HTR5A: variants seen among roughly 807,000 people sequenced by gnomAD.
The protein encoded by HTR5A is 5-HT-5.
In HTR5A, 21 loss-of-function variants were observed where a neutral mutation model predicts 24.3. The observed-to-expected ratio is 0.86, with a 90% CI of 0.61 to 1.24. HTR5A has a LOEUF of 1.24. Among genes scored for constraint, HTR5A ranks in the 50% most tolerant of loss-of-function variants. HTR5A has a pLI of 0.00. For missense variants in HTR5A, 497 were observed against 489.5 expected, an observed-to-expected ratio of 1.02 and a Z score of -0.15; for synonymous variants, 260 against 213.7, an observed-to-expected ratio of 1.22 and a Z score of -1.89.
chr7:155,076,797 T>C (rs1795363693), intron 1 of HTR5A, among the ~76,000 whole-genome samples: 1 of 152,230 alleles, frequency 6.6e-6, no homozygotes, highest in Non-Finnish European at 1.5e-5. Flanking sequence ...GTATATAAGA[T>C]TTAAAGGCCT....
intron 1 of HTR5A, among the ~76,000 whole-genome samples, chr7:155,076,712 C>G (rs1250994743): frequency 2.6e-5 from 4 of 152,112 alleles, no homozygotes; most frequent in South Asian, 4.2e-4. Context: ...GAGAAAGTAA[C>G]CATGAACCAT....
rs1041984174 is a variant in HTR5A, at chr7:155,085,934, A to C, written c.*1447A>C. ...AGAAATGTTAGACACCTGTGAAGTCACAATTAATATGCTAAATGCAGATCT... is the reference window on the plus strand; with the variant it reads ...AGAAATGTTAGACACCTGTGAAGTCCCAATTAATATGCTAAATGCAGATCT... On this transcript the variant is annotated 3_prime_UTR_variant, in exon 2 of 2. Coordinates refer to ENST00000287907, the MANE Select transcript of HTR5A (RefSeq NM_024012.4). Among the ~76,000 whole-genome samples, 1 of 152,222 alleles carries C rather than the reference A, an allele frequency of 6.6e-6. No homozygotes were observed. Among genetic ancestry groups the C allele is most frequent in the Non-Finnish European group, 1.5e-5 (1 of 68,038 alleles).
chr7:155,084,002 G>A (rs189461617), intron 1 of HTR5A, among the ~76,000 whole-genome samples, 153 bp from the exon 2 acceptor site: 33 of 152,260 alleles, frequency 2.2e-4, no homozygotes, highest in Admixed American at 3.9e-4. Flanking sequence ...CCATATCTGA[G>A]AGCGAGTGCC....
chr7:155,073,484 T>C (rs914498152), intron 1 of HTR5A, among the ~76,000 whole-genome samples: 3 of 152,036 alleles, frequency 2.0e-5, no homozygotes, highest in Non-Finnish European at 4.4e-5. Context: ...TCTGATCTAT[T>C]AGATTTCTAA....
intron 1 of HTR5A, among the ~76,000 whole-genome samples, chr7:155,074,187 A>G (rs1461917508): frequency 2.0e-5 from 3 of 151,950 alleles, no homozygotes; most frequent in Admixed American, 6.6e-5. Flanking sequence ...TTGTTTCTTT[A>G]TCTGCTGAGT....
In HTR5A at chr7:155,078,751, C is replaced by CTTT. The variant is rs67688182; in HGVS notation, c.742-5395_742-5393dup. Among the ~76,000 whole-genome samples, 1,041 of 139,216 alleles carry CTTT rather than the reference C, an allele frequency of 7.5e-3. 20 individuals carry two copies. Among genetic ancestry groups the CTTT allele is most frequent in the Middle Eastern group, 0.015 (4 of 262 alleles). 91.3% of individuals were successfully genotyped at this position (139,216 alleles called of 152,430 possible). On this transcript the variant is annotated intron_variant, in intron 1 of 1. Transcript: ENST00000287907. Reference sequence around the variant, plus strand: ...TATAACTCTTCTATTTTCTGTGCTTCTTTTTTTTTTTACCATTTTTTCTTA... The same window carrying CTTT: ...TATAACTCTTCTATTTTCTGTGCTTCTTTTTTTTTTTTTTACCATTTTTTCTTA...
intron 1 of HTR5A, among the ~76,000 whole-genome samples, chr7:155,083,020 G>A (rs955576758): frequency 8.3e-4 from 126 of 152,168 alleles, no homozygotes; most frequent in African/African-American, 2.9e-3. Context: ...CTACAAATTT[G>A]GTAATTTATT....
chr7:155,082,245 C>T (rs911477988), intron 1 of HTR5A, among the ~76,000 whole-genome samples: 2 of 151,694 alleles, frequency 1.3e-5, no homozygotes, highest in Admixed American at 1.3e-4. Flanking sequence ...CATGGGGTCA[C>T]CAATGTGACC....
At chr7:155,083,982 T>A (rs955751113) in intron 1 of HTR5A, among the ~76,000 whole-genome samples, 173 bp from the exon 2 acceptor site, 5 of 152,190 alleles carry the variant, frequency 3.3e-5, no homozygotes, top group Non-Finnish European at 7.3e-5. Flanking sequence ...TCAGCTCTGT[T>A]GCCTGGTTTC....
chr7:155,073,897 A>ATATACG lies in HTR5A; in HGVS notation c.741+2261_741+2262insCGTATA, dbSNP rs1554519636. Among the ~76,000 whole-genome samples, 9 of 19,804 alleles carry ATATACG rather than the reference A, an allele frequency of 4.5e-4. 1 individual carries two copies. Among genetic ancestry groups the ATATACG allele is most frequent in the Admixed American group, 1.9e-3 (2 of 1,040 alleles). The allele number at this position is 19,804 out of a possible 152,430, so 13.0% of individuals were successfully genotyped here. On this transcript the variant is annotated intron_variant, in intron 1 of 1. Coordinates refer to ENST00000287907, the MANE Select transcript of HTR5A (RefSeq NM_024012.4). ...TATATGTATATATATATGTATATAT[A>ATATACG]TATATATATATATATATATGTATAT...
rs1795277143 is a variant in HTR5A, at chr7:155,070,584, G to A, written c.-316G>A. ...ATCTGGGAGATGCTCGGCTCTGGGCGGCCAAACAGCCTTTCCACCAAGGCG... is the reference window on the plus strand; with the variant it reads ...ATCTGGGAGATGCTCGGCTCTGGGCAGCCAAACAGCCTTTCCACCAAGGCG... On this transcript the variant is annotated 5_prime_UTR_variant, in exon 1 of 2. Coordinates refer to ENST00000287907, the MANE Select transcript of HTR5A (RefSeq NM_024012.4). The A allele has an allele frequency of 7.2e-6, 3 of 417,492 alleles. No individual in the cohort carries two copies. Among genetic ancestry groups the A allele is most frequent in the South Asian group, 4.7e-5 (2 of 42,246 alleles). 25.9% of individuals were successfully genotyped at this position (417,492 alleles called of 1,614,324 possible). A position where few individuals can be genotyped will look rare whatever the true frequency, so the allele number is the denominator to read the frequency against.
chr7:155,082,398 C>A (rs915223768), intron 1 of HTR5A, among the ~76,000 whole-genome samples: 1 of 152,198 alleles, frequency 6.6e-6, no homozygotes, highest in Non-Finnish European at 1.5e-5. Flanking sequence ...TCCAGTGTGA[C>A]CAGCATCCCC....
chr7:155,071,240 G>T lies in HTR5A; in HGVS notation c.341G>T (p.Cys114Phe). 4 of 1,604,774 alleles carry T rather than the reference G, an allele frequency of 2.5e-6. No individual in the cohort carries two copies. Among genetic ancestry groups the T allele is most frequent in the Non-Finnish European group, 3.4e-6 (4 of 1,179,914 alleles). ...GRRWQLGRRL[C>F]QLWIACDVLC... ...CGCTGGCAGCTAGGTCGGAGGCTGT[G>T]CCAGCTTTGGATCGCGTGCGACGTG... The change falls in exon 1 of 2, where the codon TGC becomes TTC. Residue 114 changes from cysteine to phenylalanine, a missense_variant. Physicochemically the swap from Cys to Phe is radical, Grantham distance 205. Coordinates refer to ENST00000287907, the MANE Select transcript of HTR5A (RefSeq NM_024012.4).
At chr7:155,079,218 G>A (rs6963368) in intron 1 of HTR5A, among the ~76,000 whole-genome samples, 4,441 of 152,240 alleles carry the variant, frequency 0.029, 195 homozygotes, top group African/African-American at 0.1. Flanking sequence ...CTCTCAAAGG[G>A]CTGGGATTAC....
intron 1 of HTR5A, among the ~76,000 whole-genome samples, chr7:155,072,714 A>C (rs977079242): frequency 6.6e-6 from 1 of 152,170 alleles, no homozygotes; most frequent in Non-Finnish European, 1.5e-5. Context: ...GGTTTGGTGC[A>C]AGAGGTAAGC....
At position 155,085,941 on chromosome 7, in the gene HTR5A, A is replaced by C. The variant is rs2150822583; in HGVS notation, c.*1454A>C. ...TTAGACACCTGTGAAGTCACAATTA[A>C]TATGCTAAATGCAGATCTTTATGCA... On this transcript the variant is annotated 3_prime_UTR_variant, in exon 2 of 2. Transcript: ENST00000287907. 6.6e-6 allele frequency among the ~76,000 whole-genome samples: 1 copy of C among 152,340 alleles called. No homozygotes were observed. Among genetic ancestry groups the C allele is most frequent in the South Asian group, 2.1e-4 (1 of 4,828 alleles).
intron 1 of HTR5A, among the ~76,000 whole-genome samples, chr7:155,080,537 A>G (rs772041766): frequency 3.3e-5 from 5 of 152,316 alleles, no homozygotes; most frequent in Non-Finnish European, 7.4e-5. Context: ...AATGACTTCA[A>G]TGGAGCCTCC....
intron 1 of HTR5A, among the ~76,000 whole-genome samples, chr7:155,081,285 C>T (rs1795413871): frequency 6.6e-6 from 1 of 152,100 alleles, no homozygotes; most frequent in African/African-American, 2.4e-5. Flanking sequence ...GAAGGTAATC[C>T]ATTGACTATC....
intron 1 of HTR5A, among the ~76,000 whole-genome samples, chr7:155,080,766 A>C (rs768096622): frequency 5.9e-5 from 9 of 152,164 alleles, no homozygotes; most frequent in Non-Finnish European, 1.2e-4. Context: ...AACGGAGTTT[A>C]CTCAGAATGA....
Sources: gnomAD v4.1 joint callset for allele counts (sites outside exome capture counted in the v4.1 genomes callset) on GRCh38, gnomAD v4.1.1 for gene constraint, MANE v1.5 for transcripts, NCBI Gene and HGNC (gene_info 2026-07-23, HGNC 2026-07-21) for gene names.